The following SLC7A2 variants were observed in gnomAD, a reference collection of about 807,000 sequenced individuals.
The protein encoded by SLC7A2 is solute carrier family 7 member 2, also known as cationic amino acid transporter 2.
In SLC7A2, 48 loss-of-function variants were observed where a neutral mutation model predicts 58.9. The ratio of observed to expected loss-of-function variants is 0.82; its 90% CI spans 0.65 to 1.04. The LOEUF is 1.04. Ranked by LOEUF, SLC7A2 falls within the 50% of genes least tolerant of loss-of-function variation. The pLI is 0.00. For missense variants in SLC7A2, 1,029 were observed against 818.8 expected, an observed-to-expected ratio of 1.26 and a Z score of -3.13; for synonymous variants, 363 against 314.5, an observed-to-expected ratio of 1.15 and a Z score of -1.63.
At position 17,501,537 on chromosome 8, in the gene SLC7A2, CAT is replaced by C. The variant is rs141383846; in HGVS notation, c.-68-719_-68-718del. On this transcript the variant is annotated intron_variant, in intron 1 of 12. Coordinates refer to ENST00000494857, the MANE Select transcript of SLC7A2 (RefSeq NM_001370338.1). ...TAGTATGAATCTCTCTCTTCAGAGA[CAT>C]GTGGTCCCCTGTTATTCTGGGTGTG... Among the ~76,000 whole-genome samples the C allele has an allele frequency of 6.2e-3, 938 of 152,164 alleles. 2 individuals are homozygous for C. Among genetic ancestry groups the C allele is most frequent in the African/African-American group, 0.021 (883 of 41,522 alleles).
rs1803320065 is a variant in SLC7A2, at chr8:17,567,516, A to ATGTG, written c.*2376_*2379dup. ...CTTTTTTTCTGTGAAGACTCAACGGATGTGTGTGTTTGTATGTTTGTTAAC... is the reference window on the plus strand; with the variant it reads ...CTTTTTTTCTGTGAAGACTCAACGGATGTGTGTGTGTGTTTGTATGTTTGTTAAC... On this transcript the variant is annotated 3_prime_UTR_variant, in exon 13 of 13. Transcript: ENST00000494857. 1 of 152,422 alleles carries ATGTG rather than the reference A, an allele frequency of 6.6e-6. No individual in the cohort carries two copies. The highest frequency in any genetic ancestry group is 2.4e-5 in the African/African-American group (1 of 41,376). The allele number at this position is 152,422 out of a possible 1,614,324, so 9.4% of individuals were successfully genotyped here. A position where few individuals can be genotyped will look rare whatever the true frequency, so the allele number is the denominator to read the frequency against.
chr8:17,519,456 A>G (rs1016206987), intron 2 of SLC7A2, among the ~76,000 whole-genome samples: 2 of 152,174 alleles, frequency 1.3e-5, no homozygotes, highest in East Asian at 3.9e-4. Context: ...GAGAATCTCT[A>G]TCTTCGTCCA....
chr8:17,508,729 A>G (rs1228224701), intron 2 of SLC7A2, among the ~76,000 whole-genome samples: 1 of 152,130 alleles, frequency 6.6e-6, no homozygotes, highest in African/African-American at 2.4e-5. Flanking sequence ...AAATAAAAAT[A>G]AAAATAAACA....
At chr8:17,498,282 G>A (rs1800028272) in intron 1 of SLC7A2, among the ~76,000 whole-genome samples, 2 of 152,154 alleles carry the variant, frequency 1.3e-5, no homozygotes, top group Non-Finnish European at 2.9e-5. Flanking sequence ...ATCCAGGGCC[G>A]CCTGGGTTAT....
chr8:17,535,790 A>T (rs190353789), intron 2 of SLC7A2, among the ~76,000 whole-genome samples: 1 of 152,118 alleles, frequency 6.6e-6, no homozygotes, highest in African/African-American at 2.4e-5. Context: ...GTAGTCACAG[A>T]TACTTGGGAA....
intron 8 of SLC7A2, among the ~76,000 whole-genome samples, chr8:17,557,031 A>G (rs978831498): frequency 1.3e-5 from 2 of 152,198 alleles, no homozygotes; most frequent in Non-Finnish European, 2.9e-5. Context: ...TTGCTAAGTT[A>G]GCCTATCTCT....
At chr8:17,516,648 G>A (rs1237824339) in intron 2 of SLC7A2, among the ~76,000 whole-genome samples, 1 of 152,200 alleles carries the variant, frequency 6.6e-6, no homozygotes, top group Non-Finnish European at 1.5e-5. Context: ...GGCCACAGCT[G>A]TACCCTTGCT....
At chr8:17,545,403 CTTTTTTTTT>C (rs386412194) in intron 4 of SLC7A2, among the ~76,000 whole-genome samples, 1 of 64,300 alleles carries the variant, frequency 1.6e-5, no homozygotes, top group African/African-American at 7.0e-5. Context: ...TGAACATTTT[CTTTTTTTTT>C]TTTTTTTTTT....
intron 2 of SLC7A2, chr8:17,520,695 T>A (rs907470151): frequency 2.2e-5 from 8 of 357,678 alleles, no homozygotes; most frequent in Non-Finnish European, 3.0e-5. Flanking sequence ...AACAGAAATT[T>A]ACTTTCATTA....
chr8:17,518,691 C>G (rs1800897932), intron 2 of SLC7A2, among the ~76,000 whole-genome samples: 2 of 152,276 alleles, frequency 1.3e-5, no homozygotes, highest in South Asian at 4.1e-4. Context: ...CATTACATTG[C>G]TTCTGAAATG....
At chr8:17,530,627 C>T (rs527670996) in intron 2 of SLC7A2, among the ~76,000 whole-genome samples, 1 of 150,570 alleles carries the variant, frequency 6.6e-6, no homozygotes, top group Non-Finnish European at 1.5e-5. Flanking sequence ...GCCTAGCATG[C>T]GGTGGTGCAA....
chr8:17,528,450 T>C (rs1403433743), intron 2 of SLC7A2, among the ~76,000 whole-genome samples: 3 of 152,048 alleles, frequency 2.0e-5, no homozygotes, highest in African/African-American at 7.2e-5. Flanking sequence ...AGTGGCATGA[T>C]TATGGCTCAC....
intron 2 of SLC7A2, among the ~76,000 whole-genome samples, chr8:17,532,245 A>AAAAAAAAAAAC (rs1563454479): frequency 3.2e-5 from 4 of 124,338 alleles, no homozygotes; most frequent in African/African-American, 1.1e-4. Context: ...AAAAAAAAAA[A>AAAAAAAAAAAC]AAAAAAAAAA....
At chr8:17,562,136 C>G in intron 11 of SLC7A2, 26 bp downstream of exon 11, 3 of 1,542,876 alleles carry the variant, frequency 1.9e-6, no homozygotes, top group Non-Finnish European at 1.8e-6. Flanking sequence ...ATTAGAGACC[C>G]AAAATACTGT....
intron 2 of SLC7A2, among the ~76,000 whole-genome samples, chr8:17,534,565 ACT>A (rs974245353): frequency 1.3e-5 from 2 of 151,942 alleles, no homozygotes; most frequent in East Asian, 3.9e-4. Flanking sequence ...GCCAAATATT[ACT>A]CTGTTTGGAA....
chr8:17,535,097 C>G (rs1801609122), intron 2 of SLC7A2, among the ~76,000 whole-genome samples: 1 of 152,152 alleles, frequency 6.6e-6, no homozygotes, highest in African/African-American at 2.4e-5. Context: ...AATTCTACGT[C>G]TGGCTTAAAG....
intron 5 of SLC7A2, among the ~76,000 whole-genome samples, chr8:17,549,286 A>G (rs549615405): frequency 2.6e-5 from 4 of 152,328 alleles, no homozygotes; most frequent in African/African-American, 9.6e-5. Flanking sequence ...GTTTTCTTCT[A>G]GAGCAGTGGT....
At chr8:17,539,028 A>G (rs1261029014) in intron 2 of SLC7A2, 3 of 960,594 alleles carry the variant, frequency 3.1e-6, no homozygotes, top group Non-Finnish European at 4.8e-6. Flanking sequence ...AAGTGACTCA[A>G]TGCAACTTCA....
intron 2 of SLC7A2, among the ~76,000 whole-genome samples, chr8:17,526,734 G>A (rs1029214964): frequency 2.0e-5 from 3 of 152,114 alleles, no homozygotes; most frequent in South Asian, 4.2e-4. Context: ...TTTCAGCAGC[G>A]TGTGGTATCT....
Sources: gnomAD v4.1 joint callset for allele counts (sites outside exome capture counted in the v4.1 genomes callset) on GRCh38, gnomAD v4.1.1 for gene constraint, MANE v1.5 for transcripts, NCBI Gene and HGNC (gene_info 2026-07-23, HGNC 2026-07-21) for gene names.